TLCD5: variants seen among roughly 807,000 people sequenced by gnomAD.
TLCD5 encodes TLC domain-containing protein 5.
Under a neutral mutation model 20.5 loss-of-function variants are expected in TLCD5, and 15 were observed. That is an observed-to-expected ratio of 0.73 (90% CI 0.49 to 1.13). The LOEUF (loss-of-function observed/expected upper bound fraction) is 1.13, where lower values mean the gene tolerates loss of function less well. Ranked by LOEUF, TLCD5 falls within the 50% of genes most tolerant of loss-of-function variation. The pLI, the probability that TLCD5 is intolerant of heterozygous loss-of-function variation, is 0.00. For missense variants in TLCD5, 289 were observed against 305.6 expected (o/e 0.95, Z 0.41); for synonymous variants, 107 against 114.7 (o/e 0.93, Z 0.43).
chr11:120,326,062 T>A (rs190067035), intron 1 of TLCD5, among the ~76,000 whole-genome samples: 1 of 152,314 alleles, frequency 6.6e-6, no homozygotes, highest in East Asian at 1.9e-4. Flanking sequence ...TGGCCCTTAC[T>A]CTGAGAATTG....
chr11:120,326,720 A>C (rs1468337397), intron 1 of TLCD5, among the ~76,000 whole-genome samples: 1 of 152,172 alleles, frequency 6.6e-6, no homozygotes, highest in African/African-American at 2.4e-5. Context: ...TAACTGAATA[A>C]TTGCCTTAAG....
At chr11:120,329,672 T>A (rs1260468512) in intron 2 of TLCD5, among the ~76,000 whole-genome samples, 1 of 152,178 alleles carries the variant, frequency 6.6e-6, no homozygotes, top group East Asian at 1.9e-4. Context: ...AACAAAATAA[T>A]TGGATTTTAT....
chr11:120,329,234 G>A (rs115548789), intron 2 of TLCD5, among the ~76,000 whole-genome samples: 462 of 152,190 alleles, frequency 3.0e-3, no homozygotes, highest in African/African-American at 0.01. Context: ...CTCACATTCT[G>A]AGGTACTACC....
rs111667856 is a variant in TLCD5, at chr11:120,330,053, C to T, written c.276C>T (p.Cys92=). Residue 92 remains cysteine (C), a synonymous_variant, in exon 3 of 3, where the codon TGC becomes TGT. Transcript: ENST00000375095. ...ACTTCATCTTCGACTTGGGCTGGTG[C>T]GTCTACTTTCAGTCTGAGGGTGCCT... The part of the protein sequence containing the change: ...LGYFIFDLGW[C]VYFQSEGALM... 6.8e-6 allele frequency: 11 copies of T among 1,614,064 alleles called. No homozygotes were observed. Among genetic ancestry groups the T allele is most frequent in the African/African-American group, 4.0e-5 (3 of 74,924 alleles).
rs1436850081 is a variant in TLCD5 at position 120,327,436 on chromosome 11, C to CACAG, written c.-1-4_-1-1dup. ...GTTTTTCTGGTTTTGGTCTTTTCAT[C>CACAG]ACAGGATGGCATTAGCTCTGTGTCT... is the stretch of plus-strand genomic sequence containing the variant. On this transcript the variant is annotated splice_region_variant and splice_polypyrimidine_tract_variant and intron_variant, in intron 1 of 2. Transcript: ENST00000375095. The CACAG allele has an allele frequency of 1.2e-5, 19 of 1,614,066 alleles. No homozygotes were observed. The highest frequency in any genetic ancestry group is 1.5e-5 in the Non-Finnish European group (18 of 1,180,034).
At chr11:120,328,773 T>TGTGTGTGTGTGCGC (rs1388398001) in intron 2 of TLCD5, among the ~76,000 whole-genome samples, 4 of 65,530 alleles carry the variant, frequency 6.1e-5, no homozygotes, top group South Asian at 5.3e-4. Flanking sequence ...TGTGTGTGTG[T>TGTGTGTGTGTGCGC]GTGTGCGCGT....
rs1203079704 is a variant in TLCD5, at chr11:120,327,845, G to T, written c.199+205G>T. 2.6e-5 allele frequency among the ~76,000 whole-genome samples: 4 copies of T among 151,960 alleles called. No homozygotes were observed. In the East Asian group the frequency reaches 7.7e-4, roughly 29 times the overall value. ...TTCATAACTCTCTACTTTTAAAACAGATTTTAAATTGCTTGTTACAATTTA... is the reference window on the plus strand; with the variant it reads ...TTCATAACTCTCTACTTTTAAAACATATTTTAAATTGCTTGTTACAATTTA... On this transcript the variant is annotated intron_variant, in intron 2 of 2. Coordinates refer to ENST00000375095, the MANE Select transcript of TLCD5 (RefSeq NM_001198671.2).
chr11:120,330,458 A>G lies in TLCD5; in HGVS notation c.681A>G (p.Arg227=). 6.2e-7 allele frequency: 1 copy of G among 1,614,072 alleles called. No individual in the cohort carries two copies. The highest frequency in any genetic ancestry group is 8.5e-7 in the Non-Finnish European group (1 of 1,180,010). Residue 227 remains arginine, a synonymous_variant, in exon 3 of 3, where the codon AGA becomes AGG. Coordinates refer to ENST00000375095, the MANE Select transcript of TLCD5 (RefSeq NM_001198671.2). ...GCATCAAGAAGTACCATGCTTGGAG[A>G]AGCAGGCGGAGTGAGGAACGGCAGC... ...RKSIKKYHAW[R]SRRSEERQLK... is the part of the protein sequence containing the mutation.
chr11:120,329,818 A>G (rs1222940053), intron 2 of TLCD5, among the ~76,000 whole-genome samples, 159 bp from the exon 3 acceptor site: 1 of 152,142 alleles, frequency 6.6e-6, no homozygotes, highest in Non-Finnish European at 1.5e-5. Flanking sequence ...TAGATTTTAT[A>G]TTTTAGTCTT....
Position 120,330,582 on chromosome 11 carries a change from G to GTTACA in TLCD5, c.*69_*73dup. On this transcript the variant is annotated 3_prime_UTR_variant, in exon 3 of 3. Coordinates refer to ENST00000375095, the MANE Select transcript of TLCD5 (RefSeq NM_001198671.2). ...TGGGAACCAGGTTGGAAATATGACT[G>GTTACA]TTACATAATTACACTTATAACAAAC... 2 of 1,499,556 alleles carry GTTACA rather than the reference G, an allele frequency of 1.3e-6. No homozygotes were observed. Among genetic ancestry groups the GTTACA allele is most frequent in the South Asian group, 2.6e-5 (2 of 75,604 alleles). The allele number at this position is 1,499,556 out of a possible 1,614,324, so 92.9% of individuals were successfully genotyped here.
In TLCD5 at chr11:120,330,823, TG is replaced by T. The variant is rs1942137173; in HGVS notation, c.*309del. 1 of 247,942 alleles carries T rather than the reference TG, an allele frequency of 4.0e-6. No individual in the cohort carries two copies. The highest frequency in any genetic ancestry group is 5.2e-5 in the Admixed American group (1 of 19,306). The allele number at this position is 247,942 out of a possible 1,614,324, so 15.4% of individuals were successfully genotyped here. A position where few individuals can be genotyped will look rare whatever the true frequency, so the allele number is the denominator to read the frequency against. On this transcript the variant is annotated 3_prime_UTR_variant, in exon 3 of 3. Transcript: ENST00000375095. Reference sequence around the variant, plus strand: ...TGGGTCCTCCTGTCCCTGGGAGGTTTGATGTTCAGGCAGTTTAGAAAGGAAC... The same window carrying T: ...TGGGTCCTCCTGTCCCTGGGAGGTTTATGTTCAGGCAGTTTAGAAAGGAAC...
intron 2 of TLCD5, among the ~76,000 whole-genome samples, chr11:120,329,004 AG>A: frequency 1.3e-4 from 1 of 7,548 alleles, no homozygotes; most frequent in South Asian, 4.3e-3. Flanking sequence ...TAACAGTCAT[AG>A]TGTGTGTGTG....
At chr11:120,325,724 C>G (rs36011588) in intron 1 of TLCD5, among the ~76,000 whole-genome samples, 61,505 of 152,074 alleles carry the variant, frequency 0.4, 12,668 homozygotes, top group South Asian at 0.47. Context: ...AGGAGAGGAG[C>G]CTTGGACCTC....
In TLCD5 at chr11:120,332,119, A is replaced by G. The variant is rs566585781; in HGVS notation, c.*1604A>G. 1 of 152,326 alleles carries G rather than the reference A, an allele frequency of 6.6e-6. No individual in the cohort carries two copies. Among genetic ancestry groups the G allele is most frequent in the African/African-American group, 2.4e-5 (1 of 41,582 alleles). The allele number at this position is 152,326 out of a possible 1,614,324, so 9.4% of individuals were successfully genotyped here. Reference sequence around the variant, plus strand: ...CCAAGAGAAGCAAGAATATAAGCTTAGAACAAGGGGTTAAGAATCCAGAAT... The same window carrying G: ...CCAAGAGAAGCAAGAATATAAGCTTGGAACAAGGGGTTAAGAATCCAGAAT... On this transcript the variant is annotated 3_prime_UTR_variant, in exon 3 of 3. Transcript: ENST00000375095. The surrounding 1 kb of genome is among the most constrained non-coding windows in gnomAD (Gnocchi z 4.2).
Position 120,332,091 on chromosome 11 carries a change from T to C in TLCD5, c.*1576T>C, listed in dbSNP as rs1942167502. On this transcript the variant is annotated 3_prime_UTR_variant, in exon 3 of 3. Transcript: ENST00000375095. This position sits in a 1 kb window ranked among gnomAD's most constrained non-coding sequence, Gnocchi z 4.2. ...AAAATAATAATTCTTAGTGTGACAG[T>C]CTCCAAGAGAAGCAAGAATATAAGC... The C allele has an allele frequency of 6.6e-6, 1 of 152,108 alleles. No individual in the cohort carries two copies. Among genetic ancestry groups the C allele is most frequent in the Non-Finnish European group, 1.5e-5 (1 of 68,026 alleles). 9.4% of individuals were successfully genotyped at this position (152,108 alleles called of 1,614,324 possible). A position where few individuals can be genotyped will look rare whatever the true frequency, so the allele number is the denominator to read the frequency against.
intron 2 of TLCD5, among the ~76,000 whole-genome samples, chr11:120,329,080 TTGTGTGTGTGTG>T (rs67465966): frequency 2.6e-5 from 3 of 114,628 alleles, no homozygotes; most frequent in African/African-American, 7.1e-5. Context: ...AACAGTCATA[TTGTGTGTGTGTG>T]TGTGTGTGTG....
rs1942134964 is a variant in TLCD5, at chr11:120,330,723, A to G, written c.*208A>G. 3.7e-6 allele frequency: 2 copies of G among 533,968 alleles called. No homozygotes were observed. The highest frequency in any genetic ancestry group is 6.3e-5 in the South Asian group (2 of 31,868). The allele number at this position is 533,968 out of a possible 1,614,324, so 33.1% of individuals were successfully genotyped here. A position where few individuals can be genotyped will look rare whatever the true frequency, so the allele number is the denominator to read the frequency against. On this transcript the variant is annotated 3_prime_UTR_variant, in exon 3 of 3. Transcript: ENST00000375095. ...TAGCACAGTTGTAGAAAGTGAGAAT[A>G]CTCCATGGTAGTTGGGAATAAGTGA...
intron 1 of TLCD5, among the ~76,000 whole-genome samples, chr11:120,326,159 T>C (rs940046869): frequency 1.3e-5 from 2 of 152,166 alleles, no homozygotes; most frequent in African/African-American, 4.8e-5. Context: ...TCTCTTTCTT[T>C]CCTTTCCCTT....
intron 2 of TLCD5, among the ~76,000 whole-genome samples, chr11:120,328,322 C>T (rs901029681): frequency 6.6e-6 from 1 of 152,096 alleles, no homozygotes; most frequent in Non-Finnish European, 1.5e-5. Flanking sequence ...ACCTCGTGAT[C>T]CACCCGCCTT....
Sources: allele counts gnomAD v4.1 joint callset (sites outside exome capture counted in the v4.1 genomes callset), GRCh38; gene constraint gnomAD v4.1.1; non-coding constraint Gnocchi (gnomAD v3.1); transcripts MANE v1.5; gene names NCBI Gene and HGNC (gene_info 2026-07-23, HGNC 2026-07-21).